GRM1: variants seen among roughly 807,000 people sequenced by gnomAD.
The protein encoded by GRM1 is glutamate metabotropic receptor 1, also known as metabotropic glutamate receptor 1.
A neutral mutation model predicts 90.9 loss-of-function variants in GRM1; 33 were observed. That is an observed-to-expected ratio of 0.36 (90% CI 0.28 to 0.49). The LOEUF (loss-of-function observed/expected upper bound fraction) is 0.49, where lower values mean the gene tolerates loss of function less well. Among genes scored for constraint, GRM1 ranks in the 20% least tolerant of loss-of-function variants. The pLI is 0.99. For synonymous variants in GRM1, 700 were observed against 613.2 expected, an observed-to-expected ratio of 1.14 and a Z score of -2.09; for missense variants, 1,190 against 1,534.3, an observed-to-expected ratio of 0.78 and a Z score of 3.75.
chr6:146,233,797 A>C (rs1780530446), intron 2 of GRM1, among the ~76,000 whole-genome samples: 1 of 152,118 alleles, frequency 6.6e-6, no homozygotes, highest in African/African-American at 2.4e-5. Flanking sequence ...ACGGAATAAA[A>C]ATATCTGTTA....
intron 2 of GRM1, among the ~76,000 whole-genome samples, chr6:146,217,026 C>A (rs1779894827): frequency 6.6e-6 from 1 of 152,184 alleles, no homozygotes; most frequent in Admixed American, 6.5e-5. Context: ...CATTAATAGA[C>A]ATATATGTCT....
intron 2 of GRM1, among the ~76,000 whole-genome samples, chr6:146,291,285 A>G (rs1404360126): frequency 6.6e-6 from 1 of 151,714 alleles, no homozygotes; most frequent in Non-Finnish European, 1.5e-5. Flanking sequence ...AATTTAATAT[A>G]TTATTTTTAT....
At chr6:146,220,530 A>G (rs1780024842) in intron 2 of GRM1, among the ~76,000 whole-genome samples, 1 of 152,178 alleles carries the variant, frequency 6.6e-6, no homozygotes, top group African/African-American at 2.4e-5. Context: ...TCTACAATTC[A>G]TTATCTTCAT....
intron 2 of GRM1, among the ~76,000 whole-genome samples, chr6:146,247,457 A>T (rs566855059): frequency 6.6e-6 from 1 of 152,104 alleles, no homozygotes; most frequent in Non-Finnish European, 1.5e-5. Flanking sequence ...AGTTTAAGAG[A>T]TGTACATATG....
chr6:146,326,716 A>C (rs1416877581), intron 3 of GRM1, among the ~76,000 whole-genome samples: 9 of 152,228 alleles, frequency 5.9e-5, no homozygotes, highest in Admixed American at 6.5e-5. Flanking sequence ...ATTAGCTAAC[A>C]ACATTGTAAA....
At chr6:146,319,344 C>T (rs140267898) in intron 3 of GRM1, among the ~76,000 whole-genome samples, 3 of 152,238 alleles carry the variant, frequency 2.0e-5, no homozygotes, top group African/African-American at 4.8e-5. Context: ...GTTTTGGTAC[C>T]AGTACCTGCT....
At chr6:146,365,956 C>G (rs1437657443) in intron 5 of GRM1, among the ~76,000 whole-genome samples, 1 of 152,136 alleles carries the variant, frequency 6.6e-6, no homozygotes, top group African/African-American at 2.4e-5. Flanking sequence ...CTGGACATTT[C>G]CCTTGCCTCA....
At chr6:146,231,147 A>C (rs529906052) in intron 2 of GRM1, among the ~76,000 whole-genome samples, 1 of 152,236 alleles carries the variant, frequency 6.6e-6, no homozygotes, top group South Asian at 2.1e-4. Context: ...TTCTAATGTA[A>C]ACTATAAACT....
intron 1 of GRM1, among the ~76,000 whole-genome samples, chr6:146,055,726 T>A (rs909898920): frequency 6.6e-6 from 1 of 152,096 alleles, no homozygotes; most frequent in Non-Finnish European, 1.5e-5. Context: ...AATATGTGGT[T>A]TTACATTTAT....
intron 2 of GRM1, among the ~76,000 whole-genome samples, chr6:146,246,493 AG>A (rs1329085386): frequency 1.3e-5 from 2 of 152,194 alleles, no homozygotes; most frequent in Non-Finnish European, 2.9e-5. Flanking sequence ...AGAAGATCAA[AG>A]GCTAGATTAT....
At chr6:146,206,042 A>G (rs1269440821) in intron 2 of GRM1, among the ~76,000 whole-genome samples, 1 of 152,190 alleles carries the variant, frequency 6.6e-6, no homozygotes, top group Non-Finnish European at 1.5e-5. Flanking sequence ...AGATTGATGT[A>G]TGTCGTAGCA....
chr6:146,312,324 G>C (rs951032707), intron 3 of GRM1, among the ~76,000 whole-genome samples: 5 of 108,970 alleles, frequency 4.6e-5, no homozygotes, highest in African/African-American at 1.8e-4. Context: ...CTGGGTGAAA[G>C]AGCCTGGGTG....
At chr6:146,196,861 A>G (rs988749604) in intron 2 of GRM1, among the ~76,000 whole-genome samples, 1 of 152,158 alleles carries the variant, frequency 6.6e-6, no homozygotes, top group South Asian at 2.1e-4. Flanking sequence ...CTGTCAATCA[A>G]TCATTTGTTA....
intron 7 of GRM1, among the ~76,000 whole-genome samples, chr6:146,423,226 G>A (rs923944755): frequency 2.6e-5 from 4 of 152,136 alleles, no homozygotes; most frequent in African/African-American, 9.7e-5. Context: ...TCTGTGGTTG[G>A]TTGAATATGT....
chr6:146,293,103 C>T (rs1783047687), intron 2 of GRM1, among the ~76,000 whole-genome samples: 1 of 151,790 alleles, frequency 6.6e-6, no homozygotes, highest in Non-Finnish European at 1.5e-5. Flanking sequence ...ACTTGATTGC[C>T]AGGGACTGGG....
At chr6:146,354,261 A>G (rs768844404) in intron 4 of GRM1, among the ~76,000 whole-genome samples, 4 of 152,220 alleles carry the variant, frequency 2.6e-5, no homozygotes, top group Non-Finnish European at 4.4e-5. Context: ...ACTAGGAGCA[A>G]CAAGTGAGTC....
intron 2 of GRM1, among the ~76,000 whole-genome samples, chr6:146,169,759 T>C (rs977270603): frequency 2.0e-5 from 3 of 152,202 alleles, no homozygotes; most frequent in Non-Finnish European, 4.4e-5. Context: ...TATAGTCCTA[T>C]ATTGACATTT....
chr6:146,258,766 T>C (rs1781578925), intron 2 of GRM1, among the ~76,000 whole-genome samples: 2 of 152,274 alleles, frequency 1.3e-5, no homozygotes, highest in South Asian at 4.1e-4. Context: ...TTTACCTCAG[T>C]TGTGAAGCCT....
intron 1 of GRM1, among the ~76,000 whole-genome samples, chr6:146,156,192 G>C (rs1386891667): frequency 6.6e-6 from 1 of 152,170 alleles, no homozygotes. Flanking sequence ...GATCATCTGA[G>C]GTCAGGAGTT....
Sources: gnomAD v4.1 joint callset for allele counts (sites outside exome capture counted in the v4.1 genomes callset) on GRCh38, gnomAD v4.1.1 for gene constraint, MANE v1.5 for transcripts, NCBI Gene and HGNC (gene_info 2026-07-23, HGNC 2026-07-21) for gene names.